Variants in C1orf94 observed in about 807,000 individuals in gnomAD.
C1orf94 encodes chromosome 1 open reading frame 94.
A neutral mutation model predicts 53.6 loss-of-function variants in C1orf94; 45 were observed. The observed-to-expected ratio is 0.84, with a 90% CI of 0.66 to 1.08. The LOEUF is 1.08. Among genes scored for constraint, C1orf94 ranks in the 50% least tolerant of loss-of-function variants. C1orf94 has a pLI of 0.00. For missense variants in C1orf94, 762 were observed against 738.9 expected (o/e 1.03, Z -0.36); for synonymous variants, 304 against 296.1 (o/e 1.03, Z -0.27).
In C1orf94 at chr1:34,197,617, A is replaced by G. The variant is rs763185562; in HGVS notation, c.713A>G (p.Lys238Arg). 3 of 1,614,178 alleles carry G rather than the reference A, an allele frequency of 1.9e-6. No individual in the cohort carries two copies. The highest frequency in any genetic ancestry group is 1.7e-5 in the Admixed American group (1 of 60,028). Reference protein sequence around the residue: ...ILGDSNLQVSKLLSQFPLKST... With the variant: ...ILGDSNLQVSRLLSQFPLKST... ...GGTGACTCCAACTTGCAAGTCAGCA[A>G]GCTTCTGTCCCAGTTCCCACTGAAG... Residue 238 changes from lysine to arginine, a missense_variant, in exon 2 of 7, where the codon AAG becomes AGG. By Grantham distance (26) the Lys-to-Arg change is conservative (BLOSUM62 2). Coordinates refer to ENST00000488417, the MANE Select transcript of C1orf94 (RefSeq NM_001134734.2). This position sits in a 1 kb window ranked among gnomAD's most constrained non-coding sequence, Gnocchi z 4.1.
At chr1:34,204,396 C>G (rs1571347441) in intron 4 of C1orf94, among the ~76,000 whole-genome samples, 1 of 152,060 alleles carries the variant, frequency 6.6e-6, no homozygotes, top group Non-Finnish European at 1.5e-5. Context: ...AGCTCACACC[C>G]CATTGTGGAG....
intron 1 of C1orf94, among the ~76,000 whole-genome samples, chr1:34,171,216 C>T (rs907280142): frequency 1.3e-5 from 2 of 152,208 alleles, no homozygotes; most frequent in African/African-American, 4.8e-5. Flanking sequence ...CTAAGCCATT[C>T]TGACACCCTT....
At chr1:34,199,673 C>T (rs538060113) in intron 2 of C1orf94, among the ~76,000 whole-genome samples, 66 of 152,354 alleles carry the variant, frequency 4.3e-4, no homozygotes, top group Non-Finnish European at 8.1e-4. Flanking sequence ...CCAGGTTTCC[C>T]ACCACTGCTG....
At chr1:34,195,134 A>G (rs1382456191) in intron 1 of C1orf94, among the ~76,000 whole-genome samples, 1 of 150,560 alleles carries the variant, frequency 6.6e-6, no homozygotes, top group Non-Finnish European at 1.5e-5. Context: ...GGGAAAGAGA[A>G]AATAACAGCA....
chr1:34,218,637 C>T (rs773368576), intron 6 of C1orf94, 49 bp from the exon 7 acceptor site: 72 of 1,432,382 alleles, frequency 5.0e-5, no homozygotes, highest in Middle Eastern at 1.9e-4. Context: ...TAATTCTCTC[C>T]GATAACATTA....
At chr1:34,212,143 G>A in intron 5 of C1orf94, 67 bp from the exon 6 acceptor site, 12 of 1,423,676 alleles carry the variant, frequency 8.4e-6, no homozygotes, top group Non-Finnish European at 1.1e-5. Flanking sequence ...GACTGGGGGT[G>A]GGTGGCTGGG....
At chr1:34,204,666 G>A (rs1292883511) in intron 4 of C1orf94, among the ~76,000 whole-genome samples, 1 of 151,996 alleles carries the variant, frequency 6.6e-6, no homozygotes, top group East Asian at 1.9e-4. Flanking sequence ...ATTAATTTAA[G>A]TAATTTTGAA....
At chr1:34,174,322 G>A (rs2148609121), upstream of C1orf94, among the ~76,000 whole-genome samples, 2 of 152,256 alleles carry the variant, frequency 1.3e-5, no homozygotes, top group Non-Finnish European at 2.9e-5. Flanking sequence ...GTTGTTCAAG[G>A]GACTTTCCAT....
rs149673249 is a variant in C1orf94, at chr1:34,168,918, A to G, written c.-251+1747A>G. 5.1e-3 allele frequency among the ~76,000 whole-genome samples: 771 copies of G among 152,290 alleles called. 7 individuals carry two copies. The highest frequency in any genetic ancestry group is 0.017 in the African/African-American group (707 of 41,560). ...GGGGGGGCACACAATTCATTCTATA[A>G]CAGGAGGAGATGACTTTTCAGATGG... is the stretch of plus-strand genomic sequence containing the variant. On this transcript the variant is annotated intron_variant, in intron 1 of 6. Coordinates refer to the C1orf94 transcript ENST00000373374.
At chr1:34,202,875 AAACAAC>A (rs140866143) in intron 4 of C1orf94, among the ~76,000 whole-genome samples, 1 of 152,254 alleles carries the variant, frequency 6.6e-6, no homozygotes, top group Non-Finnish European at 1.5e-5. Context: ...TTGAAGAAGA[AAACAAC>A]AACAACAACA....
At chr1:34,167,274 C>G (rs1040609654) in intron 1 of C1orf94, 2 of 152,366 alleles carry the variant, frequency 1.3e-5, no homozygotes, top group African/African-American at 4.8e-5. Flanking sequence ...AGGCGGGGTT[C>G]TCCTCCAGAG....
upstream of C1orf94, among the ~76,000 whole-genome samples, chr1:34,172,240 C>G (rs983945859): frequency 6.6e-6 from 1 of 152,208 alleles, no homozygotes; most frequent in African/African-American, 2.4e-5. Flanking sequence ...CACTGGACCA[C>G]TACTGCCACC....
In C1orf94 at chr1:34,177,104, C is replaced by T. The variant is rs532170163; in HGVS notation, c.-686C>T. On this transcript the variant is annotated 5_prime_UTR_variant, in exon 1 of 7. Coordinates refer to ENST00000488417, the MANE Select transcript of C1orf94 (RefSeq NM_001134734.2). ...GCGGCGCGGCTGGGGCAGGGGTCTGCTGGGGGCCGGGGACTAAGGGCTGTG... is the reference window on the plus strand; with the variant it reads ...GCGGCGCGGCTGGGGCAGGGGTCTGTTGGGGGCCGGGGACTAAGGGCTGTG... Among the ~76,000 whole-genome samples the T allele has an allele frequency of 6.6e-6, 1 of 152,354 alleles. No homozygotes were observed. The highest frequency in any genetic ancestry group is 2.4e-5 in the African/African-American group (1 of 41,586).
intron 6 of C1orf94, among the ~76,000 whole-genome samples, chr1:34,217,514 G>T (rs1165802149): frequency 6.6e-6 from 1 of 152,166 alleles, no homozygotes; most frequent in Non-Finnish European, 1.5e-5. Context: ...ACAGAGGTGG[G>T]GTTACCGCTG....
chr1:34,208,005 G>C lies in C1orf94; in HGVS notation c.1447-152G>C, dbSNP rs990968560. 4 of 675,732 alleles carry C rather than the reference G, an allele frequency of 5.9e-6. No homozygotes were observed. In the Admixed American group the frequency reaches 7.5e-5, roughly 13 times the overall value. 41.9% of individuals were successfully genotyped at this position (675,732 alleles called of 1,614,324 possible). ...GTGTGATGTGAGTCCTGCTTCTCCT[G>C]GCCTGGTTCCAGCTGGCCTCAGACA... is the stretch of plus-strand genomic sequence containing the variant. On this transcript the variant is annotated intron_variant, in intron 4 of 6. Coordinates refer to ENST00000488417, the MANE Select transcript of C1orf94 (RefSeq NM_001134734.2).
At chr1:34,176,757 G>A (rs1332509258), upstream of C1orf94, among the ~76,000 whole-genome samples, 1 of 152,228 alleles carries the variant, frequency 6.6e-6, no homozygotes, top group East Asian at 1.9e-4. Flanking sequence ...GGGACCCCCA[G>A]GCAGGAGCTG....
intron 1 of C1orf94, among the ~76,000 whole-genome samples, chr1:34,170,338 A>G (rs776031613): frequency 6.6e-6 from 1 of 152,164 alleles, no homozygotes; most frequent in Non-Finnish European, 1.5e-5. Flanking sequence ...ACAGCAAAGC[A>G]TGATTGATTA....
intron 1 of C1orf94, among the ~76,000 whole-genome samples, chr1:34,194,607 T>C (rs1642550192): frequency 6.6e-6 from 1 of 152,220 alleles, no homozygotes; most frequent in Non-Finnish European, 1.5e-5. Flanking sequence ...GCTTTAGCAA[T>C]GATTAACATA....
At chr1:34,208,050 A>C (rs2148621504) in intron 4 of C1orf94, 107 bp from the exon 5 acceptor site, 1 of 1,106,044 alleles carries the variant, frequency 9.0e-7, no homozygotes, top group Middle Eastern at 2.0e-4. Flanking sequence ...TCTGGTCAGC[A>C]ATGTGATGGG....
Sources: allele counts gnomAD v4.1 joint callset (sites outside exome capture counted in the v4.1 genomes callset), GRCh38; gene constraint gnomAD v4.1.1; non-coding constraint Gnocchi (gnomAD v3.1); transcripts MANE v1.5; gene names NCBI Gene and HGNC (gene_info 2026-07-23, HGNC 2026-07-21).